NFIA: variants seen among roughly 807,000 people sequenced by gnomAD.
NFIA encodes the protein nuclear factor I A.
Under a neutral mutation model 62.8 loss-of-function variants are expected in NFIA, and 8 were observed. The ratio of observed to expected loss-of-function variants is 0.13; its 90% CI spans 0.07 to 0.23. NFIA has a LOEUF of 0.23. Among genes scored for constraint, NFIA ranks in the 10% least tolerant of loss-of-function variants. NFIA has a pLI of 1.00. For synonymous variants in NFIA, 235 were observed against 238.1 expected (o/e 0.99, Z 0.12); for missense variants, 410 against 642.1 (o/e 0.64, Z 3.91).
intron 2 of NFIA, among the ~76,000 whole-genome samples, chr1:61,142,214 T>TA (rs1423057824): frequency 6.6e-6 from 1 of 152,032 alleles, no homozygotes; most frequent in African/African-American, 2.4e-5. Flanking sequence ...CCTAAACAAC[T>TA]AAAAAGACTG....
At chr1:61,389,209 G>A in intron 7 of NFIA, among the ~76,000 whole-genome samples, 1 of 152,320 alleles carries the variant, frequency 6.6e-6, no homozygotes, top group Middle Eastern at 3.4e-3. Flanking sequence ...ACATGTTTCA[G>A]TGGGTTGTTT....
chr1:61,369,864 C>T (rs2100461718), intron 6 of NFIA, among the ~76,000 whole-genome samples: 1 of 152,234 alleles, frequency 6.6e-6, no homozygotes, highest in East Asian at 1.9e-4. Flanking sequence ...TGTTTGCAGA[C>T]TTATTTCCCT....
At chr1:61,184,287 T>G (rs1397186253) in intron 2 of NFIA, among the ~76,000 whole-genome samples, 2 of 152,226 alleles carry the variant, frequency 1.3e-5, no homozygotes, top group Non-Finnish European at 2.9e-5. Context: ...ACATGGCGGC[T>G]GTATTTACTC....
At chr1:61,143,668 G>A (rs2100510120) in intron 2 of NFIA, among the ~76,000 whole-genome samples, 1 of 152,272 alleles carries the variant, frequency 6.6e-6, no homozygotes, top group African/African-American at 2.4e-5. Context: ...TAGGATTACA[G>A]GCATGAGCCA....
chr1:61,079,095 T>A (rs929741856), upstream of NFIA, among the ~76,000 whole-genome samples: 49 of 152,238 alleles, frequency 3.2e-4, no homozygotes, highest in Non-Finnish European at 1.3e-4. Flanking sequence ...GGAAATTTGA[T>A]GTAAGAATTC....
rs1341793610 is a variant in NFIA, at chr1:61,200,052, ATATATATATATATATG to A, written c.560-77464_560-77449del. On this transcript the variant is annotated intron_variant, in intron 2 of 10. Transcript: ENST00000403491. ...TATATATATATATATATATATATAT[ATATATATATATATATG>A]TATGTATGTTGAGCTAGAATTATGC... Among the ~76,000 whole-genome samples, 81 of 52,308 alleles carry A rather than the reference ATATATATATATATATG, an allele frequency of 1.5e-3. 1 individual carries two copies. The Middle Eastern group carries it at 0.026, about 17-fold the overall frequency. The allele number at this position is 52,308 out of a possible 152,430, so 34.3% of individuals were successfully genotyped here.
chr1:61,245,122 A>T (rs1333437831), intron 2 of NFIA, among the ~76,000 whole-genome samples: 24 of 152,210 alleles, frequency 1.6e-4, no homozygotes, highest in Admixed American at 1.6e-3. Flanking sequence ...TTCATGCATT[A>T]GTATGAGGAG....
chr1:61,214,044 C>T (rs1440056287), intron 2 of NFIA, among the ~76,000 whole-genome samples: 1 of 152,132 alleles, frequency 6.6e-6, no homozygotes, highest in Non-Finnish European at 1.5e-5. Context: ...GAAAGTGCTC[C>T]CCAGTCAAAC....
At chr1:61,309,033 C>T (rs1659949814) in intron 3 of NFIA, among the ~76,000 whole-genome samples, 1 of 152,198 alleles carries the variant, frequency 6.6e-6, no homozygotes, top group African/African-American at 2.4e-5. Context: ...TCCATTTGCA[C>T]ACTCATCAGA....
At chr1:61,388,128 T>C (rs887160708) in intron 7 of NFIA, among the ~76,000 whole-genome samples, 11 of 152,242 alleles carry the variant, frequency 7.2e-5, no homozygotes, top group Non-Finnish European at 1.3e-4. Flanking sequence ...GGGACAATAC[T>C]TTACCACCTG....
At chr1:61,146,832 G>GTTT (rs10713898) in intron 2 of NFIA, among the ~76,000 whole-genome samples, 7 of 151,898 alleles carry the variant, frequency 4.6e-5, no homozygotes, top group South Asian at 2.1e-4. Flanking sequence ...ATCTTTCATA[G>GTTT]TTTTTTTTTT....
rs1364551734 is a variant in NFIA, at chr1:61,200,042, A to ACATATATATACG, written c.560-77478_560-77477insCATATATATACG. On this transcript the variant is annotated intron_variant, in intron 2 of 10. Coordinates refer to ENST00000403491, the MANE Select transcript of NFIA (RefSeq NM_001134673.4). ...TATATATATATATATATATATATAT[A>ACATATATATACG]TATATATATATATATATATATATAT... Among the ~76,000 whole-genome samples, 228 of 49,278 alleles carry ACATATATATACG rather than the reference A, an allele frequency of 4.6e-3. 4 individuals carry two copies. Among genetic ancestry groups the ACATATATATACG allele is most frequent in the African/African-American group, 0.028 (220 of 7,776 alleles). The allele number at this position is 49,278 out of a possible 152,430, so 32.3% of individuals were successfully genotyped here.
At position 61,358,842 on chromosome 1, in the gene NFIA, TC is replaced by T. The variant is rs11296785; in HGVS notation, c.819-303del. On this transcript the variant is annotated intron_variant, in intron 5 of 10. Transcript: ENST00000403491. ...AATATGTGGCCTTACTCCCAACACT[TC>T]CAGGTGGAGGCAGGAGCTAGAGCCA... is the stretch of plus-strand genomic sequence containing the variant. Among the ~76,000 whole-genome samples the T allele has an allele frequency of 0.79, 119,718 of 152,092 alleles. 47,324 individuals carry two copies. The highest frequency in any genetic ancestry group is 0.95 in the East Asian group (4,922 of 5,166).
At chr1:61,420,166 C>T (rs1322766338) in intron 9 of NFIA, among the ~76,000 whole-genome samples, 1 of 152,122 alleles carries the variant, frequency 6.6e-6, no homozygotes, top group Non-Finnish European at 1.5e-5. Context: ...TAATACTAAC[C>T]CAGGCCCTGT....
chr1:61,246,615 T>C (rs1655664562), intron 2 of NFIA, among the ~76,000 whole-genome samples: 1 of 151,290 alleles, frequency 6.6e-6, no homozygotes, highest in South Asian at 2.1e-4. Flanking sequence ...AAAAAAAAAA[T>C]CTGGAAGCAA....
At chr1:61,379,417 T>C (rs1664307113) in intron 6 of NFIA, among the ~76,000 whole-genome samples, 2 of 146,036 alleles carry the variant, frequency 1.4e-5, no homozygotes, top group African/African-American at 5.1e-5. Context: ...TTTTTTTTTT[T>C]TTTTTTTTTG....
intron 2 of NFIA, among the ~76,000 whole-genome samples, chr1:61,101,931 A>G (rs1363449589): frequency 6.6e-6 from 1 of 152,158 alleles, no homozygotes; most frequent in Non-Finnish European, 1.5e-5. Context: ...ATGAAATAAC[A>G]ACAAGAAAAA....
intron 10 of NFIA, among the ~76,000 whole-genome samples, chr1:61,450,334 G>A (rs1668003602): frequency 6.6e-6 from 1 of 152,204 alleles, no homozygotes; most frequent in Admixed American, 6.5e-5. Flanking sequence ...ATGGGCAGAA[G>A]AGACTACTGG....
At chr1:61,428,353 G>A (rs1169382918) in intron 10 of NFIA, among the ~76,000 whole-genome samples, 1 of 149,494 alleles carries the variant, frequency 6.7e-6, no homozygotes. Context: ...ATGATGTCAT[G>A]TAGGCCCAGT....
Sources: allele counts gnomAD v4.1 joint callset (sites outside exome capture counted in the v4.1 genomes callset), GRCh38; gene constraint gnomAD v4.1.1; transcripts MANE v1.5; gene names NCBI Gene and HGNC (gene_info 2026-07-23, HGNC 2026-07-21).